The following RAPGEF2 variants were observed in gnomAD, a reference collection of about 807,000 sequenced individuals.
RAPGEF2 encodes the protein PDZ domain containing guanine nucleotide exchange factor (GEF) 1.
A neutral mutation model predicts 186.7 loss-of-function variants in RAPGEF2; 54 were observed. The ratio of observed to expected loss-of-function variants is 0.29; its 90% CI spans 0.23 to 0.36. RAPGEF2 has a LOEUF of 0.36. RAPGEF2 is among the 10% of genes least tolerant of loss of function. RAPGEF2 has a pLI of 1.00. For missense variants in RAPGEF2, 1,532 were observed against 2,045.0 expected (o/e 0.75, Z 4.84); for synonymous variants, 712 against 705.9 (o/e 1.01, Z -0.14).
intron 1 of RAPGEF2, among the ~76,000 whole-genome samples, chr4:159,146,081 G>A (rs556292978): frequency 6.6e-6 from 1 of 152,082 alleles, no homozygotes; most frequent in East Asian, 1.9e-4. Flanking sequence ...TCAGGTTTAT[G>A]AAACTATTCC....
intron 7 of RAPGEF2, among the ~76,000 whole-genome samples, chr4:159,289,485 A>G (rs978759120): frequency 6.6e-6 from 1 of 152,184 alleles, no homozygotes; most frequent in African/African-American, 2.4e-5. Flanking sequence ...GGGGGTGACT[A>G]TAGAGCTGGT....
intron 7 of RAPGEF2, chr4:159,266,758 A>G (rs527324216): frequency 1.6e-3 from 253 of 159,502 alleles, no homozygotes; most frequent in African/African-American, 5.0e-3. Flanking sequence ...TAGCACAGCA[A>G]TATTTGAGGA....
At chr4:159,278,096 T>C (rs1579730023) in intron 7 of RAPGEF2, among the ~76,000 whole-genome samples, 1 of 152,210 alleles carries the variant, frequency 6.6e-6, no homozygotes, top group South Asian at 2.1e-4. Flanking sequence ...TTTAAGTCTT[T>C]AATCCATCTC....
chr4:159,154,908 ATATGATTGTTTGCTTAGAGAG>A (rs1227750625), intron 1 of RAPGEF2, among the ~76,000 whole-genome samples: 1 of 152,160 alleles, frequency 6.6e-6, no homozygotes, highest in Non-Finnish European at 1.5e-5. Context: ...TGTACCATAG[ATATGATTGTTTGCTTAGAGAG>A]CCAATCAGTT....
At chr4:159,350,424 A>AT (rs548679684) in intron 26 of RAPGEF2, 135 bp downstream of exon 26, 343 of 678,688 alleles carry the variant, frequency 5.1e-4, no homozygotes, top group African/African-American at 3.8e-3. Context: ...TGCCCAATGG[A>AT]TTTTTTTTCC....
At chr4:159,332,399 C>A in intron 16 of RAPGEF2, 52 bp from the exon 17 acceptor site, 1 of 1,553,838 alleles carries the variant, frequency 6.4e-7, no homozygotes, top group Non-Finnish European at 8.8e-7. Context: ...TAGAATTGTT[C>A]AGATATCTTA....
intron 25 of RAPGEF2, among the ~76,000 whole-genome samples, chr4:159,347,996 G>C (rs1422383019): frequency 6.6e-6 from 1 of 152,162 alleles, no homozygotes; most frequent in Non-Finnish European, 1.5e-5. Context: ...TGAGACGGGT[G>C]AATCACTCGA....
chr4:159,198,278 CTTT>C (rs1748935884), intron 3 of RAPGEF2, among the ~76,000 whole-genome samples: 5 of 5,812 alleles, frequency 8.6e-4, no homozygotes, highest in South Asian at 0.013. Flanking sequence ...TTCCTTCTTT[CTTT>C]CTTTCTTTCT....
At chr4:159,168,038 G>A (rs1299906179) in intron 1 of RAPGEF2, among the ~76,000 whole-genome samples, 1 of 152,174 alleles carries the variant, frequency 6.6e-6, no homozygotes, top group Non-Finnish European at 1.5e-5. Flanking sequence ...TTGAAATTTT[G>A]TCATGTTGTC....
rs541380095 is a variant in RAPGEF2 at position 159,253,001 on chromosome 4, T to C, written c.543+9210T>C. 6.6e-5 allele frequency among the ~76,000 whole-genome samples: 10 copies of C among 152,376 alleles called. No individual in the cohort carries two copies. The South Asian group carries it at 8.3e-4, about 13-fold the overall frequency. On this transcript the variant is annotated intron_variant, in intron 7 of 29. Coordinates refer to ENST00000691494, the MANE Select transcript of RAPGEF2 (RefSeq NM_001394067.2). ...AGAAGAATGATAGTGTTTGATACTT[T>C]AGCAAATATGTTTAATATTGGTCTA...
chr4:159,183,630 G>A (rs1747249281), intron 1 of RAPGEF2, among the ~76,000 whole-genome samples: 2 of 152,180 alleles, frequency 1.3e-5, no homozygotes, highest in Non-Finnish European at 2.9e-5. Flanking sequence ...CATGGAATGG[G>A]AGAAGATATT....
chr4:159,347,190 G>A (rs890728666), intron 25 of RAPGEF2, among the ~76,000 whole-genome samples, 192 bp downstream of exon 25: 3 of 152,204 alleles, frequency 2.0e-5, no homozygotes, highest in Non-Finnish European at 4.4e-5. Flanking sequence ...GTTTTTATAA[G>A]TAATATCTCG....
In RAPGEF2 at chr4:159,113,246, T is replaced by A. The variant is rs185170477; in HGVS notation, c.69+9015T>A. Among the ~76,000 whole-genome samples the A allele has an allele frequency of 9.1e-3, 1,381 of 152,340 alleles. 10 individuals carry two copies. The highest frequency in any genetic ancestry group is 0.016 in the South Asian group (78 of 4,828). ...CATTATTAGGATGACTGATGAAATT[T>A]GAATATTTAGATAACTTTACCACAA... On this transcript the variant is annotated intron_variant, in intron 1 of 29. Transcript: ENST00000691494.
At chr4:159,313,845 A>G (rs1764235408) in intron 8 of RAPGEF2, among the ~76,000 whole-genome samples, 1 of 152,112 alleles carries the variant, frequency 6.6e-6, no homozygotes, top group African/African-American at 2.4e-5. Context: ...GATAGTCACA[A>G]AAGGCTACAT....
At chr4:159,229,049 C>T (rs1460567232) in intron 4 of RAPGEF2, among the ~76,000 whole-genome samples, 1 of 152,056 alleles carries the variant, frequency 6.6e-6, no homozygotes, top group Non-Finnish European at 1.5e-5. Context: ...GATTTAGGAA[C>T]ATCAGTCCAG....
At chr4:159,142,504 T>C (rs1742460822) in intron 1 of RAPGEF2, among the ~76,000 whole-genome samples, 1 of 151,290 alleles carries the variant, frequency 6.6e-6, no homozygotes, top group Non-Finnish European at 1.5e-5. Context: ...CTTACCAGAA[T>C]ACTTCATGGT....
chr4:159,254,908 G>A (rs1028347770), intron 7 of RAPGEF2, among the ~76,000 whole-genome samples: 3 of 152,192 alleles, frequency 2.0e-5, no homozygotes, highest in African/African-American at 7.2e-5. Flanking sequence ...ACCAGCATGA[G>A]ACTTTAAATA....
intron 8 of RAPGEF2, among the ~76,000 whole-genome samples, chr4:159,305,054 T>G (rs1018942754): frequency 6.6e-6 from 1 of 152,192 alleles, no homozygotes; most frequent in Non-Finnish European, 1.5e-5. Context: ...ATTGCATATA[T>G]GTACTGTACT....
intron 4 of RAPGEF2, among the ~76,000 whole-genome samples, chr4:159,216,908 A>G (rs1209504266): frequency 1.3e-5 from 2 of 152,228 alleles, no homozygotes; most frequent in Admixed American, 1.3e-4. Context: ...GTGGAGAAAC[A>G]GGACATTTAA....
Sources: allele counts gnomAD v4.1 joint callset (sites outside exome capture counted in the v4.1 genomes callset), GRCh38; gene constraint gnomAD v4.1.1; transcripts MANE v1.5; gene names NCBI Gene and HGNC (gene_info 2026-07-23, HGNC 2026-07-21).